CTPS1: variants seen among roughly 807,000 people sequenced by gnomAD.
CTPS1 encodes CTP synthetase 1.
A neutral mutation model predicts 80.5 loss-of-function variants in CTPS1; 25 were observed. The ratio of observed to expected loss-of-function variants is 0.31; its 90% confidence interval spans 0.23 to 0.43. The LOEUF is 0.43. Among genes scored for constraint, CTPS1 ranks in the 20% least tolerant of loss-of-function variants. The pLI, the probability that CTPS1 is intolerant of heterozygous loss-of-function variation, is 1.00. For synonymous variants in CTPS1, 267 were observed against 252.5 expected (o/e 1.06, Z -0.54); for missense variants, 442 against 725.7 (o/e 0.61, Z 4.49).
chr1:41,005,470 T>C lies in CTPS1; in HGVS notation c.1253-581T>C, dbSNP rs1643011114. ...ATTCTGTCTCAAAAAAAAAAAACTG[T>C]CAAAGATACAGTATCTAATTAAAAA... On this transcript the variant is annotated intron_variant, in intron 12 of 18. Coordinates refer to ENST00000650070, the MANE Select transcript of CTPS1 (RefSeq NM_001905.4). 2.6e-5 allele frequency among the ~76,000 whole-genome samples: 4 copies of C among 151,806 alleles called. No homozygotes were observed. The South Asian group carries it at 8.3e-4, about 32-fold the overall frequency.
chr1:41,002,089 C>T (rs923235707), intron 10 of CTPS1, 71 bp from the exon 11 acceptor site: 23 of 1,352,472 alleles, frequency 1.7e-5, no homozygotes, highest in South Asian at 7.0e-5. Flanking sequence ...GGTAATGGCC[C>T]GTTAGGCGAT....
intron 5 of CTPS1, 112 bp downstream of exon 5, chr1:40,988,822 G>C: frequency 1.4e-6 from 1 of 706,442 alleles, no homozygotes; most frequent in South Asian, 1.8e-5. Context: ...GGTGCAGGAA[G>C]CAGAGAATAA....
intron 10 of CTPS1, 103 bp from the exon 11 acceptor site, chr1:41,002,057 T>TAATTCATGGCTTCAGTGTCTTG (rs1642916608): frequency 5.2e-6 from 5 of 956,750 alleles, no homozygotes; most frequent in Middle Eastern, 2.2e-4. Context: ...TGTATGGGGT[T>TAATTCATGGCTTCAGTGTCTTG]AATTCATGGC....
At chr1:41,002,462 C>T (rs1279909479) in intron 11 of CTPS1, among the ~76,000 whole-genome samples, 1 of 152,080 alleles carries the variant, frequency 6.6e-6, no homozygotes, top group Non-Finnish European at 1.5e-5. Flanking sequence ...ATGTAGATGT[C>T]GTGGAATTTT....
chr1:40,997,488 C>G lies in CTPS1; in HGVS notation c.967C>G (p.His323Asp), dbSNP rs1216840778. Residue 323 changes from histidine (H) to aspartate (D), a missense_variant, in exon 9 of 19, where the codon CAT becomes GAT. Around this residue, in one of 4 missense-constraint regions of CTPS1, gnomAD observed 321 missense variants for 467.2 expected, o/e 0.69. Transcript: ENST00000650070. ...SYASVIKALE[H>D]SALAINHKLE... is the part of the protein sequence containing the mutation. ...TGCCTCTGTCATTAAGGCTCTGGAGCATTCTGCACTGGCCATCAACCACAA... is the reference window on the plus strand; with the variant it reads ...TGCCTCTGTCATTAAGGCTCTGGAGGATTCTGCACTGGCCATCAACCACAA... 6.2e-7 allele frequency: 1 copy of G among 1,614,172 alleles called. No homozygotes were observed. The highest frequency in any genetic ancestry group is 8.5e-7 in the Non-Finnish European group (1 of 1,180,032).
rs553172564 is a variant in CTPS1 at position 41,007,651 on chromosome 1, C to A, written c.1393+106C>A. The A allele has an allele frequency of 3.5e-6, 3 of 861,746 alleles. No individual in the cohort carries two copies. Among genetic ancestry groups the A allele is most frequent in the South Asian group, 1.5e-5 (1 of 67,516 alleles). The allele number at this position is 861,746 out of a possible 1,614,324, so 53.4% of individuals were successfully genotyped here. On this transcript the variant is annotated intron_variant, in intron 14 of 18. Coordinates refer to ENST00000650070, the MANE Select transcript of CTPS1 (RefSeq NM_001905.4). The surrounding 1 kb of genome is among the most constrained non-coding windows in gnomAD (Gnocchi z 4.4). ...GGAGCAGGCTGGCTTTTTTTGGTTT[C>A]GTTCTTGCTTTTGAAGTTCATTCTT...
At position 41,008,849 on chromosome 1, in the gene CTPS1, A is replaced by G. The variant is rs771384942; in HGVS notation, c.1505A>G (p.Gln502Arg). The change falls in exon 16 of 19, where the codon CAA becomes CGA. Residue 502 changes from glutamine to arginine, a missense_variant. Coordinates refer to ENST00000650070, the MANE Select transcript of CTPS1 (RefSeq NM_001905.4). ...LEEQGLKFVGQDVEGERMEIV... is the reference protein window; with the variant it reads ...LEEQGLKFVGRDVEGERMEIV... Reference sequence around the variant, plus strand: ...GAACAAGGCTTGAAGTTTGTTGGCCAAGATGTTGAAGGAGAGAGAATGGAA... The same window carrying G: ...GAACAAGGCTTGAAGTTTGTTGGCCGAGATGTTGAAGGAGAGAGAATGGAA... 1.9e-6 allele frequency: 3 copies of G among 1,614,226 alleles called. No homozygotes were observed. The highest frequency in any genetic ancestry group is 1.7e-5 in the Admixed American group (1 of 60,026).
intron 1 of CTPS1, among the ~76,000 whole-genome samples, chr1:40,982,422 T>C (rs1642336953): frequency 6.6e-6 from 1 of 151,952 alleles, no homozygotes; most frequent in African/African-American, 2.4e-5. Flanking sequence ...GGTAGTCTTA[T>C]TCTGTCGCGC....
At chr1:40,996,264 T>C (rs1181213421) in intron 8 of CTPS1, 196 bp downstream of exon 8, 12 of 628,300 alleles carry the variant, frequency 1.9e-5, no homozygotes, top group Non-Finnish European at 2.7e-5. Flanking sequence ...GAGATCCTGA[T>C]AGGGCCAGGC....
At chr1:41,009,873 G>A (rs1643126214) in intron 17 of CTPS1, among the ~76,000 whole-genome samples, 1 of 152,238 alleles carries the variant, frequency 6.6e-6, no homozygotes, top group Admixed American at 6.5e-5. Flanking sequence ...TTCCTGGGAA[G>A]TAAGCCACAA....
chr1:41,003,834 G>A (rs1642965754), intron 12 of CTPS1: 1 of 152,378 alleles, frequency 6.6e-6, no homozygotes, highest in African/African-American at 2.4e-5. Flanking sequence ...CTCAGTGCCT[G>A]GGTTTCAGCT....
intron 1 of CTPS1, among the ~76,000 whole-genome samples, chr1:40,982,429 G>A (rs1642337542): frequency 6.7e-6 from 1 of 150,336 alleles, no homozygotes; most frequent in Non-Finnish European, 1.5e-5. Flanking sequence ...TTATTCTGTC[G>A]CGCACGCTGG....
Position 40,991,161 on chromosome 1 carries a change from A to C in CTPS1, c.556-4A>C. On this transcript the variant is annotated splice_polypyrimidine_tract_variant and splice_region_variant and intron_variant, in intron 5 of 18. Coordinates refer to ENST00000650070, the MANE Select transcript of CTPS1 (RefSeq NM_001905.4). ...CTTTTTTTTTTTTTTCTTTTGTGAA[A>C]TAGCCAAGTTCAACAGGGGAACAGA... The C allele has an allele frequency of 6.4e-7, 1 of 1,574,236 alleles. No individual in the cohort carries two copies. Among genetic ancestry groups the C allele is most frequent in the South Asian group, 1.2e-5 (1 of 82,500 alleles).
chr1:40,988,293 T>A (rs1048714219), intron 4 of CTPS1, among the ~76,000 whole-genome samples: 3 of 151,838 alleles, frequency 2.0e-5, no homozygotes, highest in African/African-American at 7.3e-5. Flanking sequence ...TTTTTTTTTT[T>A]TACTTTGTCA....
Position 41,010,207 on chromosome 1 carries a change from A to G in CTPS1, c.1738A>G (p.Ile580Val). 6.2e-7 allele frequency: 1 copy of G among 1,614,074 alleles called. No individual in the cohort carries two copies. The highest frequency in any genetic ancestry group is 1.1e-5 in the South Asian group (1 of 91,084). The stretch of plus-strand genomic sequence containing the variant: ...TGGAAGCAGCTCCCCTGACTCTGAA[A>G]TCACCGAACTGAAGTTTCCATCAAT... ...RSGSSSPDSEITELKFPSINH... is the reference protein window; with the variant it reads ...RSGSSSPDSEVTELKFPSINH... The change falls in exon 18 of 19, where the codon ATC (isoleucine) becomes GTC (valine). Residue 580 changes from isoleucine (I) to valine (V), a missense_variant. By Grantham distance (29) the Ile-to-Val change is conservative. Coordinates refer to ENST00000650070, the MANE Select transcript of CTPS1 (RefSeq NM_001905.4).
Position 41,010,196 on chromosome 1 carries a change from C to G in CTPS1, c.1727C>G (p.Pro576Arg), listed in dbSNP as rs149425488. 7 of 1,613,936 alleles carry G rather than the reference C, an allele frequency of 4.3e-6. No individual in the cohort carries two copies. The highest frequency in any genetic ancestry group is 5.9e-6 in the Non-Finnish European group (7 of 1,179,906). ...AGTGACAGGAGTGGAAGCAGCTCCC[C>G]TGACTCTGAAATCACCGAACTGAAG... Reference protein sequence around the residue: ...TYSDRSGSSSPDSEITELKFP... With the variant: ...TYSDRSGSSSRDSEITELKFP... The change falls in exon 18 of 19, where the codon CCT (proline) becomes CGT (arginine). Residue 576 changes from proline to arginine, a missense_variant. Transcript: ENST00000650070.
chr1:40,997,993 T>C (rs1038395495), intron 9 of CTPS1, among the ~76,000 whole-genome samples: 1 of 152,078 alleles, frequency 6.6e-6, no homozygotes, highest in Non-Finnish European at 1.5e-5. Context: ...ACTCAGTAAA[T>C]GGTAGTTACT....
chr1:41,002,302 G>A, intron 11 of CTPS1, 48 bp downstream of exon 11: 1 of 1,501,326 alleles, frequency 6.7e-7, no homozygotes. Flanking sequence ...GGAAAGAGTG[G>A]GGAACGGTGC....
chr1:40,986,432 C>T (rs1208240425), intron 3 of CTPS1, among the ~76,000 whole-genome samples: 3 of 152,340 alleles, frequency 2.0e-5, no homozygotes, highest in Middle Eastern at 3.4e-3. Flanking sequence ...TCTACCCAGT[C>T]GCTGGGCCGC....
Sources: allele counts gnomAD v4.1 joint callset (sites outside exome capture counted in the v4.1 genomes callset), GRCh38; gene constraint gnomAD v4.1.1; regional missense constraint gnomAD v4.1.1; non-coding constraint Gnocchi (gnomAD v3.1); transcripts MANE v1.5; gene names NCBI Gene and HGNC (gene_info 2026-07-23, HGNC 2026-07-21).